Variants in GALNT3 observed in about 807,000 individuals in gnomAD.
GALNT3 encodes the protein polypeptide N-acetylgalactosaminyltransferase 3.
In GALNT3, 51 loss-of-function variants were observed where a neutral mutation model predicts 69.8. The ratio of observed to expected loss-of-function variants is 0.73; its 90% confidence interval spans 0.58 to 0.92. The LOEUF is 0.92. Ranked by LOEUF, GALNT3 falls within the 40% of genes least tolerant of loss-of-function variation. The pLI is 0.00. For missense variants in GALNT3, 711 were observed against 760.0 expected (o/e 0.94, Z 0.76); for synonymous variants, 265 against 248.5 (o/e 1.07, Z -0.63).
At chr2:165,758,697 T>C (rs777285604) in intron 6 of GALNT3, 50 bp downstream of exon 6, 5 of 1,130,574 alleles carry the variant, frequency 4.4e-6, no homozygotes, top group Non-Finnish European at 6.8e-6. Context: ...TAGAACACAA[T>C]ATATTTCATT....
At chr2:165,748,966 A>G in intron 10 of GALNT3, 63 bp from the exon 11 acceptor site, 1 of 1,502,222 alleles carries the variant, frequency 6.7e-7, no homozygotes, top group South Asian at 1.2e-5. Flanking sequence ...ACAAATATGA[A>G]AAAGATTTTA....
chr2:165,758,692 C>T, intron 6 of GALNT3, 55 bp downstream of exon 6: 1 of 1,114,798 alleles, frequency 9.0e-7, no homozygotes, highest in African/African-American at 1.5e-5. Context: ...CCGATTAGAA[C>T]ACAATATATT....
chr2:165,767,694 G>A (rs1480179013), intron 2 of GALNT3, among the ~76,000 whole-genome samples: 1 of 151,994 alleles, frequency 6.6e-6, no homozygotes, highest in Admixed American at 6.6e-5. Flanking sequence ...TATCATTCCA[G>A]TCAAACCATT....
chr2:165,777,189 G>T lies in GALNT3; in HGVS notation c.-108-6381C>A, dbSNP rs762998867. On this transcript the variant is annotated intron_variant, in intron 1 of 10. Coordinates refer to ENST00000392701, the MANE Select transcript of GALNT3 (RefSeq NM_004482.4). ...AGAAGTTTAAAGTCTGGTTCCTGATGAATTTAATTGCTGTGATGTCTAATT... is the reference window on the plus strand; with the variant it reads ...AGAAGTTTAAAGTCTGGTTCCTGATTAATTTAATTGCTGTGATGTCTAATT... 3.1e-4 allele frequency among the ~76,000 whole-genome samples: 47 copies of T among 152,102 alleles called. 1 individual carries two copies. The highest frequency in any genetic ancestry group is 5.9e-5 in the Non-Finnish European group (4 of 68,010).
intron 1 of GALNT3, among the ~76,000 whole-genome samples, chr2:165,774,383 A>G (rs148457757): frequency 1.4e-3 from 216 of 152,356 alleles, no homozygotes; most frequent in Non-Finnish European, 2.5e-3. Flanking sequence ...AAGATATGAC[A>G]GAACTAGATT....
In GALNT3 at chr2:165,754,920, G is replaced by T; in HGVS notation, c.1524+12C>A. ...AGTATATTAATTAAAAAAGGAACAG[G>T]AAAATACTCACGTATCCAGATATAA... On this transcript the variant is annotated intron_variant, in intron 8 of 10. Coordinates refer to ENST00000392701, the MANE Select transcript of GALNT3 (RefSeq NM_004482.4). 6.2e-7 allele frequency: 1 copy of T among 1,612,928 alleles called. No individual in the cohort carries two copies. The highest frequency in any genetic ancestry group is 2.2e-5 in the East Asian group (1 of 44,748).
At chr2:165,758,237 A>T (rs1187339777) in intron 6 of GALNT3, among the ~76,000 whole-genome samples, 3 of 152,220 alleles carry the variant, frequency 2.0e-5, no homozygotes, top group African/African-American at 7.2e-5. Context: ...TGAAAAATGA[A>T]TGATAAAGTT....
intron 1 of GALNT3, among the ~76,000 whole-genome samples, chr2:165,780,652 G>T (rs62174850): frequency 0.04 from 5,919 of 148,576 alleles, 155 homozygotes; most frequent in African/African-American, 0.069. Flanking sequence ...TTTTTTTGTT[G>T]TTGTTGTTGT....
rs377605951 is a variant in GALNT3, at chr2:165,748,862, T to G, written c.1821A>C (p.Ser607=). 7 of 1,611,358 alleles carry G rather than the reference T, an allele frequency of 4.3e-6. No homozygotes were observed. The highest frequency in any genetic ancestry group is 5.9e-6 in the Non-Finnish European group (7 of 1,178,154). ...LYNPFLKMCL[S]ANGEHPSLVS... ...CTAAACTTGGATGCTCTCCATTTGC[T>G]GAAAGGCACATTTTTAAGAATGGAT... is the stretch of plus-strand genomic sequence containing the variant. The change falls in exon 11 of 11, where the codon TCA becomes TCC. Residue 607 remains serine (S), a synonymous_variant. Transcript: ENST00000392701.
At chr2:165,774,796 A>G (rs1327094335) in intron 1 of GALNT3, among the ~76,000 whole-genome samples, 1 of 152,198 alleles carries the variant, frequency 6.6e-6, no homozygotes, top group African/African-American at 2.4e-5. Flanking sequence ...AACAACAACA[A>G]AAACAAAACT....
intron 1 of GALNT3, among the ~76,000 whole-genome samples, chr2:165,776,279 C>T (rs1688844903): frequency 6.6e-6 from 1 of 152,072 alleles, no homozygotes; most frequent in African/African-American, 2.4e-5. Context: ...TGAAACAAAA[C>T]AAATCTCTCC....
At chr2:165,790,470 C>T (rs77327960) in intron 1 of GALNT3, among the ~76,000 whole-genome samples, 217 of 152,192 alleles carry the variant, frequency 1.4e-3, no homozygotes, top group Non-Finnish European at 2.8e-3. Context: ...CATAATTGAA[C>T]AGCTAACTGA....
In GALNT3 at chr2:165,761,738, C is replaced by T. The variant is rs779484294; in HGVS notation, c.838+167G>A. On this transcript the variant is annotated intron_variant, in intron 4 of 10. Coordinates refer to ENST00000392701, the MANE Select transcript of GALNT3 (RefSeq NM_004482.4). ...TCTGCATAAGTGAAAGGAATTTTCTCCACAGAGCTGTTACCTGCTTGGGCT... is the reference window on the plus strand; with the variant it reads ...TCTGCATAAGTGAAAGGAATTTTCTTCACAGAGCTGTTACCTGCTTGGGCT... 7 of 768,284 alleles carry T rather than the reference C, an allele frequency of 9.1e-6. No individual in the cohort carries two copies. In the South Asian group the frequency reaches 1.0e-4, roughly 11 times the overall value. 47.6% of individuals were successfully genotyped at this position (768,284 alleles called of 1,614,324 possible).
chr2:165,759,031 C>T (rs774920277), intron 5 of GALNT3, among the ~76,000 whole-genome samples, 167 bp from the exon 6 acceptor site: 43 of 152,070 alleles, frequency 2.8e-4, no homozygotes, highest in Non-Finnish European at 3.4e-4. Context: ...TTTTTGGGGT[C>T]GGGGGGAGTA....
At chr2:165,762,110 T>C in intron 3 of GALNT3, 56 bp from the exon 4 acceptor site, 1 of 1,230,930 alleles carries the variant, frequency 8.1e-7, no homozygotes, top group Non-Finnish European at 1.2e-6. Context: ...CATATATAGC[T>C]TATGAAAGCT....
At chr2:165,773,001 G>A (rs1433270773) in intron 1 of GALNT3, among the ~76,000 whole-genome samples, 2 of 152,194 alleles carry the variant, frequency 1.3e-5, no homozygotes, top group Admixed American at 6.5e-5. Flanking sequence ...CAGTAAAGGT[G>A]ATAGATATTA....
At chr2:165,788,617 G>A (rs1057030588) in intron 1 of GALNT3, among the ~76,000 whole-genome samples, 1 of 151,764 alleles carries the variant, frequency 6.6e-6, no homozygotes. Flanking sequence ...TGGGTGAGGG[G>A]ACACAGTTTC....
Position 165,770,463 on chromosome 2 carries a change from T to A in GALNT3, c.238A>T (p.Met80Leu), listed in dbSNP as rs200044494. ...VNNIKDAMPK[M>L]QIGAPVRQNI... Reference sequence around the variant, plus strand: ...TGCCTGACAGGTGCTCCTATTTGCATTTTTGGCATGGCATCCTTAATATTG... The same window carrying A: ...TGCCTGACAGGTGCTCCTATTTGCAATTTTGGCATGGCATCCTTAATATTG... Residue 80 changes from methionine to leucine, a missense_variant, in exon 2 of 11, where the codon ATG becomes TTG. By Grantham distance (15) the Met-to-Leu change is conservative (BLOSUM62 2). Transcript: ENST00000392701. The A allele has an allele frequency of 3.1e-6, 5 of 1,614,240 alleles. No individual in the cohort carries two copies. The highest frequency in any genetic ancestry group is 1.6e-4 in the Middle Eastern group (1 of 6,062).
intron 10 of GALNT3, among the ~76,000 whole-genome samples, chr2:165,749,539 A>T (rs1259041959): frequency 1.3e-5 from 2 of 152,176 alleles, no homozygotes; most frequent in African/African-American, 4.8e-5. Flanking sequence ...TCAACCAAGC[A>T]ACTTAATTTT....
Sources: allele counts gnomAD v4.1 joint callset (sites outside exome capture counted in the v4.1 genomes callset), GRCh38; gene constraint gnomAD v4.1.1; transcripts MANE v1.5; gene names NCBI Gene and HGNC (gene_info 2026-07-23, HGNC 2026-07-21).